Variants in SPATS2L observed in about 807,000 individuals in gnomAD.
The protein encoded by SPATS2L is SPATS2-like protein.
In SPATS2L, 30 loss-of-function variants were observed where a neutral mutation model predicts 59.6. The observed-to-expected ratio is 0.50, with a 90% confidence interval of 0.38 to 0.68. SPATS2L has a LOEUF of 0.68. Ranked by LOEUF, SPATS2L falls within the 30% of genes least tolerant of loss-of-function variation. SPATS2L has a pLI of 0.00. For missense variants in SPATS2L, 615 were observed against 700.0 expected (o/e 0.88, Z 1.37); for synonymous variants, 252 against 263.5 (o/e 0.96, Z 0.42).
rs182521794 is a variant in SPATS2L at position 200,328,299 on chromosome 2, C to T, written c.-72-1132C>T. ...GTCATTACAAAGTGTAGGCTGTGTC[C>T]TGTGTTATATCTTTGGCATTATTCA... On this transcript the variant is annotated intron_variant, in intron 1 of 12. Coordinates refer to ENST00000409140, the MANE Select transcript of SPATS2L (RefSeq NM_001100423.2). Among the ~76,000 whole-genome samples the T allele has an allele frequency of 3.1e-3, 476 of 152,252 alleles. 3 individuals carry two copies. The highest frequency in any genetic ancestry group is 3.5e-3 in the South Asian group (17 of 4,818).
chr2:200,407,779 G>A (rs989650080), intron 3 of SPATS2L, among the ~76,000 whole-genome samples: 8 of 152,114 alleles, frequency 5.3e-5, no homozygotes, highest in African/African-American at 1.9e-4. Flanking sequence ...CATCAATCAA[G>A]TGAGACCTGC....
chr2:200,306,552 C>T (rs1023604169), upstream of SPATS2L: 3 of 1,001,798 alleles, frequency 3.0e-6, no homozygotes, highest in African/African-American at 1.8e-5. Context: ...GTGAGCAGCG[C>T]TGTGTTTGCG....
At chr2:200,316,980 G>A (rs971447826) in intron 1 of SPATS2L, among the ~76,000 whole-genome samples, 2 of 152,192 alleles carry the variant, frequency 1.3e-5, no homozygotes, top group African/African-American at 4.8e-5. Context: ...AAGGAAGACA[G>A]ATATAGGGCT....
chr2:200,418,493 A>C (rs917626444), intron 5 of SPATS2L, among the ~76,000 whole-genome samples: 2 of 152,110 alleles, frequency 1.3e-5, no homozygotes, highest in South Asian at 4.2e-4. Context: ...AGGATCGCTT[A>C]TGCCCAGGGG....
chr2:200,412,361 C>T lies in SPATS2L; in HGVS notation c.90C>T (p.Val30=). ...VVPNKSNNEI[V]LVLQQFDFNV... ...CCAACAAAAGCAATAATGAAATAGT[C>T]CTGGTGCTCCAACAGTTTGATTTTA... The change falls in exon 4 of 13, where the codon GTC becomes GTT. Residue 30 remains valine (V), a synonymous_variant. Coordinates refer to ENST00000409140, the MANE Select transcript of SPATS2L (RefSeq NM_001100423.2). 1 of 1,608,086 alleles carries T rather than the reference C, an allele frequency of 6.2e-7. No homozygotes were observed. The highest frequency in any genetic ancestry group is 1.1e-5 in the South Asian group (1 of 89,698).
intron 6 of SPATS2L, among the ~76,000 whole-genome samples, chr2:200,436,489 AC>A (rs2106087717): frequency 6.6e-6 from 1 of 152,226 alleles, no homozygotes; most frequent in South Asian, 2.1e-4. Flanking sequence ...GCTTTTGAGG[AC>A]CTAAAAAAAA....
intron 1 of SPATS2L, among the ~76,000 whole-genome samples, chr2:200,328,467 G>A (rs903118448): frequency 1.3e-5 from 2 of 152,156 alleles, no homozygotes; most frequent in African/African-American, 4.8e-5. Flanking sequence ...AAAGTCTTTA[G>A]GTCAATCCTC....
chr2:200,433,360 A>T (rs1481378170), intron 6 of SPATS2L, among the ~76,000 whole-genome samples: 2 of 152,114 alleles, frequency 1.3e-5, no homozygotes, highest in Non-Finnish European at 2.9e-5. Context: ...AACACACCCA[A>T]CAATTTCAAG....
At chr2:200,468,362 A>ACACACACACACACACACACACACACC (rs1559160381) in intron 10 of SPATS2L, among the ~76,000 whole-genome samples, 1 of 151,128 alleles carries the variant, frequency 6.6e-6, no homozygotes, top group African/African-American at 2.4e-5. Context: ...ACACACACAC[A>ACACACACACACACACACACACACACC]CACACACACA....
intron 2 of SPATS2L, among the ~76,000 whole-genome samples, chr2:200,368,736 A>C (rs2081336066): frequency 6.6e-6 from 1 of 152,184 alleles, no homozygotes; most frequent in Admixed American, 6.5e-5. Flanking sequence ...GAGAAGAAGA[A>C]GATATAGTTC....
chr2:200,438,043 G>A lies in SPATS2L; in HGVS notation c.446-1079G>A, dbSNP rs151217154. ...ATTGCAGCCTCTGCAAGGCAGGGGTGAGGGGCAGATATGGAAGCCTTGTGT... is the reference window on the plus strand; with the variant it reads ...ATTGCAGCCTCTGCAAGGCAGGGGTAAGGGGCAGATATGGAAGCCTTGTGT... On this transcript the variant is annotated intron_variant, in intron 6 of 12. Coordinates refer to ENST00000409140, the MANE Select transcript of SPATS2L (RefSeq NM_001100423.2). 1.4e-4 allele frequency among the ~76,000 whole-genome samples: 21 copies of A among 152,318 alleles called. No individual in the cohort carries two copies. The East Asian group carries it at 4.0e-3, about 29-fold the overall frequency.
chr2:200,310,105 C>T lies in SPATS2L; in HGVS notation c.-73+3183C>T, dbSNP rs566132593. 2.6e-5 allele frequency among the ~76,000 whole-genome samples: 4 copies of T among 152,162 alleles called. No individual in the cohort carries two copies. The South Asian group carries it at 8.3e-4, about 32-fold the overall frequency. The stretch of plus-strand genomic sequence containing the variant: ...CAAATCTTTGTCTCTAGTACTGATC[C>T]AAACTCCATTCCTATTTATCTACTT... On this transcript the variant is annotated intron_variant, in intron 1 of 12. Transcript: ENST00000409140.
intron 1 of SPATS2L, among the ~76,000 whole-genome samples, chr2:200,323,169 G>T (rs1157244009): frequency 1.3e-5 from 2 of 152,188 alleles, no homozygotes; most frequent in African/African-American, 2.4e-5. Context: ...TATGGGATCT[G>T]CAGGTTGGAT....
chr2:200,433,839 A>T (rs544662885), intron 6 of SPATS2L, among the ~76,000 whole-genome samples: 1 of 152,182 alleles, frequency 6.6e-6, no homozygotes, highest in Non-Finnish European at 1.5e-5. Flanking sequence ...CCAGGCCCAG[A>T]TGACTTCCTT....
In SPATS2L at chr2:200,306,780, C is replaced by A. The variant is rs2105730069; in HGVS notation, c.-215C>A. The A allele has an allele frequency of 1.0e-6, 1 of 981,758 alleles. No homozygotes were observed. The highest frequency in any genetic ancestry group is 1.2e-4 in the East Asian group (1 of 8,644). The allele number at this position is 981,758 out of a possible 1,614,324, so 60.8% of individuals were successfully genotyped here. A position where few individuals can be genotyped will look rare whatever the true frequency, so the allele number is the denominator to read the frequency against. On this transcript the variant is annotated 5_prime_UTR_variant, in exon 1 of 13. Transcript: ENST00000409140. The stretch of plus-strand genomic sequence containing the variant: ...CCGGCAGCGCGGGGCGAGCTCCGGA[C>A]GGCGCGCGGCCCAGGCAGCGGCTCC...
chr2:200,346,375 G>T (rs1027554904), intron 2 of SPATS2L, among the ~76,000 whole-genome samples: 1 of 152,154 alleles, frequency 6.6e-6, no homozygotes, highest in South Asian at 2.1e-4. Context: ...AAGTGAAATA[G>T]TTGAATGTGG....
At chr2:200,421,433 C>A (rs1208955240) in intron 6 of SPATS2L, among the ~76,000 whole-genome samples, 1 of 152,174 alleles carries the variant, frequency 6.6e-6, no homozygotes, top group Non-Finnish European at 1.5e-5. Context: ...AAAGTTTAGA[C>A]TACCAGAAGA....
chr2:200,452,920 T>G (rs1866149), intron 8 of SPATS2L, among the ~76,000 whole-genome samples: 1 of 152,058 alleles, frequency 6.6e-6, no homozygotes, highest in Non-Finnish European at 1.5e-5. Flanking sequence ...TTATTATTTT[T>G]CAGTTTTGAA....
chr2:200,355,313 G>A (rs942407034), intron 2 of SPATS2L, among the ~76,000 whole-genome samples: 1 of 152,222 alleles, frequency 6.6e-6, no homozygotes, highest in African/African-American at 2.4e-5. Context: ...GCTGGACCTG[G>A]TGGGCTCCTC....
Sources: allele counts gnomAD v4.1 joint callset (sites outside exome capture counted in the v4.1 genomes callset), GRCh38; gene constraint gnomAD v4.1.1; transcripts MANE v1.5; gene names NCBI Gene and HGNC (gene_info 2026-07-23, HGNC 2026-07-21).